Variants in ATRX observed in about 807,000 individuals in gnomAD.
ATRX encodes the protein ATRX chromatin remodeler.
ATRX carries 12 observed loss-of-function variants against 172.6 expected under a neutral mutation model. That is an observed-to-expected ratio of 0.07 (90% CI 0.04 to 0.11). The LOEUF is 0.11. Ranked by LOEUF, ATRX falls within the 10% of genes least tolerant of loss-of-function variation. The pLI, the probability that ATRX is intolerant of heterozygous loss-of-function variation, is 1.00. For missense variants in ATRX, 1,368 were observed against 1,767.4 expected (o/e 0.77, Z 4.05); for synonymous variants, 674 against 594.7 (o/e 1.13, Z -1.94).
chrX:77,526,744 C>T (rs1266069786), intron 30 of ATRX, among the ~76,000 whole-genome samples: 5 of 112,389 alleles, frequency 4.4e-5, no homozygotes, highest in African/African-American at 9.7e-5. Flanking sequence ...AATAATACCA[C>T]GCACTATTTT....
chrX:77,676,370 T>C, intron 9 of ATRX, 72 bp from the exon 10 acceptor site: 3 of 1,031,940 alleles, frequency 2.9e-6, no homozygotes, highest in Non-Finnish European at 4.0e-6. Flanking sequence ...AAAATAAAAC[T>C]GAAAGCCAAA....
intron 1 of ATRX, among the ~76,000 whole-genome samples, chrX:77,765,511 T>C (rs1041067944): frequency 1.8e-5 from 2 of 111,303 alleles, no homozygotes; most frequent in East Asian, 5.6e-4. Context: ...ACAGAAGTGT[T>C]ATAAAATACA....
At chrX:77,548,994 C>G (rs1423156057) in intron 30 of ATRX, among the ~76,000 whole-genome samples, 1 of 112,068 alleles carries the variant, frequency 8.9e-6, no homozygotes, top group African/African-American at 3.2e-5. Flanking sequence ...CATTTCTATG[C>G]CAGTTTTATT....
At chrX:77,627,667 G>C (rs1877341722) in intron 19 of ATRX, among the ~76,000 whole-genome samples, 1 of 104,781 alleles carries the variant, frequency 9.5e-6, no homozygotes, top group Admixed American at 1.0e-4. Context: ...TTCGAGACCA[G>C]CCTGGGCAAC....
At chrX:77,553,157 G>A (rs1187441263) in intron 30 of ATRX, among the ~76,000 whole-genome samples, 1 of 111,477 alleles carries the variant, frequency 9.0e-6, no homozygotes, top group African/African-American at 3.3e-5. Context: ...ATATCAAAAC[G>A]TACCCATTTC....
rs3761507 is a variant in ATRX, at chrX:77,681,869, C to T, written c.3387G>A (p.Leu1129=). ...TTCTTTCCCTCAATTCTATTCTTTT[C>T]AGTCTCTTATCAGAAGAGTTACAAC... The part of the protein sequence containing the change: ...EDGCNSSDKR[L]KRIELRERRN... Residue 1129 remains leucine (L), a synonymous_variant, in exon 9 of 35, where the codon CTG becomes CTA. Transcript: ENST00000373344. 22 of 1,204,872 alleles carry T rather than the reference C, an allele frequency of 1.8e-5. No homozygotes were observed. In the East Asian group the frequency reaches 5.9e-4, roughly 32 times the overall value.
At chrX:77,776,047 A>G (rs1557202157) in intron 1 of ATRX, among the ~76,000 whole-genome samples, 1 of 112,004 alleles carries the variant, frequency 8.9e-6, no homozygotes, top group African/African-American at 3.2e-5. Context: ...CAATAATTCA[A>G]TAAAATATTA....
At chrX:77,513,304 G>A (rs1475924010) in intron 34 of ATRX, among the ~76,000 whole-genome samples, 9 of 77,299 alleles carry the variant, frequency 1.2e-4, no homozygotes, top group South Asian at 8.8e-4. Flanking sequence ...GCGACAGAGC[G>A]AGACTCCGTC....
intron 1 of ATRX, among the ~76,000 whole-genome samples, chrX:77,729,474 A>T (rs1441938149): frequency 8.9e-6 from 1 of 112,319 alleles, no homozygotes; most frequent in Admixed American, 9.5e-5. Flanking sequence ...TATTTTCTTT[A>T]ATTCATAGAC....
intron 1 of ATRX, among the ~76,000 whole-genome samples, chrX:77,718,352 T>C (rs1557166661): frequency 1.9e-5 from 2 of 107,675 alleles, no homozygotes; most frequent in Non-Finnish European, 1.9e-5. Flanking sequence ...ATTAACTAAG[T>C]TTTATAGCAT....
rs2148496532 is a variant in ATRX at position 77,664,655 on chromosome X, T to C, written c.3933A>G (p.Pro1311=). The C allele has an allele frequency of 8.3e-7, 1 of 1,211,382 alleles. No homozygotes were observed. The highest frequency in any genetic ancestry group is 1.1e-6 in the Non-Finnish European group (1 of 895,161). Reference sequence around the variant, plus strand: ...CTCTGGGGAGCTCACCCTCATCTCCTGGGTTTTCTTCATTTTGTTTTCCAG... The same window carrying C: ...CTCTGGGGAGCTCACCCTCATCTCCCGGGTTTTCTTCATTTTGTTTTCCAG... ...KRTGKQNEEN[P]GDEEAKNQVN... is the part of the protein sequence containing the mutation. Residue 1311 remains proline (P), a synonymous_variant, in exon 11 of 35, where the codon CCA becomes CCG. Transcript: ENST00000373344.
At chrX:77,634,827 T>C in intron 16 of ATRX, 124 bp from the exon 17 acceptor site, 1 of 581,774 alleles carries the variant, frequency 1.7e-6, no homozygotes, top group Admixed American at 2.9e-5. Context: ...CTTAGCTAAA[T>C]AATTTCTTAC....
chrX:77,709,492 C>T (rs782657072), intron 2 of ATRX, among the ~76,000 whole-genome samples: 2 of 110,484 alleles, frequency 1.8e-5, no homozygotes, highest in East Asian at 5.7e-4. Context: ...GGCTTAATAC[C>T]TAAGTGATGA....
chrX:77,778,086 G>C (rs2076420697), intron 1 of ATRX, among the ~76,000 whole-genome samples: 1 of 105,104 alleles, frequency 9.5e-6, no homozygotes. Context: ...AGTAAGCTGA[G>C]ATGGTGCCAC....
intron 1 of ATRX, among the ~76,000 whole-genome samples, chrX:77,738,826 G>GT (rs1272301307): frequency 9.1e-6 from 1 of 110,411 alleles, no homozygotes; most frequent in Non-Finnish European, 1.9e-5. Context: ...GCTTCCCAAG[G>GT]TGCTGGGATT....
At chrX:77,622,911 G>T (rs1189481054) in intron 19 of ATRX, among the ~76,000 whole-genome samples, 1 of 110,320 alleles carries the variant, frequency 9.1e-6, no homozygotes, top group Non-Finnish European at 1.9e-5. Context: ...CTGAGGCAGT[G>T]CTAAGAGGAA....
chrX:77,705,981 AT>A (rs1224955339), intron 2 of ATRX, among the ~76,000 whole-genome samples: 8 of 107,050 alleles, frequency 7.5e-5, no homozygotes, highest in African/African-American at 1.4e-4. Flanking sequence ...TGACCAGCTG[AT>A]TTTTTTTTTA....
chrX:77,610,836 G>T (rs992802361), intron 22 of ATRX, among the ~76,000 whole-genome samples: 6 of 108,234 alleles, frequency 5.5e-5, no homozygotes, highest in African/African-American at 2.0e-4. Context: ...AAAAGTTGAG[G>T]ATTTGGGTTA....
chrX:77,780,356 G>C (rs987740603), intron 1 of ATRX, among the ~76,000 whole-genome samples: 1 of 110,774 alleles, frequency 9.0e-6, no homozygotes, highest in African/African-American at 3.3e-5. Flanking sequence ...TTTTGAGACA[G>C]ACTCTCACCC....
Sources: gnomAD v4.1 joint callset for allele counts (sites outside exome capture counted in the v4.1 genomes callset) on GRCh38, gnomAD v4.1.1 for gene constraint, MANE v1.5 for transcripts, NCBI Gene and HGNC (gene_info 2026-07-23, HGNC 2026-07-21) for gene names.